Variants in EPHA6 observed in about 807,000 individuals in gnomAD.
EPHA6 encodes the protein ephrin type-A receptor 6.
In EPHA6, 50 loss-of-function variants were observed where a neutral mutation model predicts 112.0. The ratio of observed to expected loss-of-function variants is 0.45; its 90% CI spans 0.36 to 0.56. EPHA6 has a LOEUF of 0.56. EPHA6 is among the 20% of genes least tolerant of loss of function. EPHA6 has a pLI of 0.00. For missense variants in EPHA6, 1,280 were observed against 1,417.4 expected (o/e 0.90, Z 1.56); for synonymous variants, 529 against 490.7 (o/e 1.08, Z -1.03).
rs745525248 is a variant in EPHA6 at position 97,592,632 on chromosome 3, G to A, written c.2407G>A (p.Val803Met). The A allele has an allele frequency of 4.3e-6, 7 of 1,613,320 alleles. No homozygotes were observed. The South Asian group carries it at 6.6e-5, about 15-fold the overall frequency. ...AAAAGGATCCTTCCCGGCCATTGGG[G>A]TGGAGGCGTTTTGCCCCAGCTTCCT... ...VTKRSFPAIG[V>M]EAFCPSFLRA... is the part of the protein sequence containing the mutation. The change falls in exon 12 of 18, where the codon GTG becomes ATG. Residue 803 changes from valine (V) to methionine (M), a missense_variant. Coordinates refer to ENST00000389672, the MANE Select transcript of EPHA6 (RefSeq NM_001080448.3).
intron 3 of EPHA6, among the ~76,000 whole-genome samples, chr3:97,192,197 C>T (rs2077325063): frequency 6.6e-6 from 1 of 151,956 alleles, no homozygotes; most frequent in Non-Finnish European, 1.5e-5. Context: ...AGTGCAGTGG[C>T]ATGATCTCAG....
chr3:97,581,522 C>G (rs1448574476), intron 11 of EPHA6, among the ~76,000 whole-genome samples: 1 of 152,114 alleles, frequency 6.6e-6, no homozygotes, highest in Admixed American at 6.6e-5. Context: ...ACCTATACTG[C>G]AAGTTAAAAA....
In EPHA6 at chr3:96,987,539, T is replaced by C. The variant is rs769098974; in HGVS notation, c.660T>C (p.Asn220=). 1.9e-6 allele frequency: 3 copies of C among 1,613,920 alleles called. No individual in the cohort carries two copies. Among genetic ancestry groups the C allele is most frequent in the Non-Finnish European group, 2.5e-6 (3 of 1,179,846 alleles). ...TGGGGACTTGCAAAGAAACATTTAATCTGTTTTATATGGAATCAGATGAGT... is the reference window on the plus strand; with the variant it reads ...TGGGGACTTGCAAAGAAACATTTAACCTGTTTTATATGGAATCAGATGAGT... ...WVLGTCKETF[N]LFYMESDESH... is the part of the protein sequence containing the mutation. The change falls in exon 3 of 18, where the codon AAT becomes AAC. Residue 220 remains asparagine (N), a synonymous_variant. Coordinates refer to ENST00000389672, the MANE Select transcript of EPHA6 (RefSeq NM_001080448.3).
chr3:97,136,592 G>T (rs1380934007), intron 3 of EPHA6, among the ~76,000 whole-genome samples: 1 of 152,030 alleles, frequency 6.6e-6, no homozygotes, highest in Non-Finnish European at 1.5e-5. Context: ...ACTCAAGTAT[G>T]GTGGCATGTA....
At chr3:97,594,300 A>C (rs2093569090) in intron 12 of EPHA6, among the ~76,000 whole-genome samples, 1 of 152,248 alleles carries the variant, frequency 6.6e-6, no homozygotes, top group African/African-American at 2.4e-5. Context: ...TCTATAACAC[A>C]TACAGAAACA....
At chr3:96,863,639 C>G (rs1200549845) in intron 1 of EPHA6, among the ~76,000 whole-genome samples, 3 of 151,900 alleles carry the variant, frequency 2.0e-5, no homozygotes, top group African/African-American at 7.2e-5. Flanking sequence ...ATAATAGGTA[C>G]ATACATATTT....
intron 9 of EPHA6, among the ~76,000 whole-genome samples, chr3:97,483,228 C>T (rs1007229457): frequency 6.6e-6 from 1 of 152,198 alleles, no homozygotes; most frequent in Non-Finnish European, 1.5e-5. Context: ...TCTCATCATC[C>T]TAACTGCCTG....
intron 14 of EPHA6, among the ~76,000 whole-genome samples, chr3:97,667,812 G>A (rs1440186448): frequency 6.6e-6 from 1 of 152,082 alleles, no homozygotes; most frequent in Non-Finnish European, 1.5e-5. Flanking sequence ...GAGCAAATTA[G>A]ACTAGTGAGT....
intron 14 of EPHA6, among the ~76,000 whole-genome samples, chr3:97,695,189 C>CA (rs1289946922): frequency 1.3e-5 from 2 of 152,114 alleles, no homozygotes; most frequent in African/African-American, 2.4e-5. Context: ...TTGTATTACT[C>CA]AAAAAATGAC....
rs1314328178 is a variant in EPHA6, at chr3:97,752,376, G to A, written c.*3675G>A. 4.5e-6 allele frequency: 1 copy of A among 224,458 alleles called. No homozygotes were observed. Among genetic ancestry groups the A allele is most frequent in the Non-Finnish European group, 8.9e-6 (1 of 112,622 alleles). 13.9% of individuals were successfully genotyped at this position (224,458 alleles called of 1,614,324 possible). ...TTCCTACCAAATTTCTGCTCTACAA[G>A]GCAGTCAGTTAAATCTCTCATTTCA... On this transcript the variant is annotated 3_prime_UTR_variant, in exon 18 of 18. Coordinates refer to ENST00000389672, the MANE Select transcript of EPHA6 (RefSeq NM_001080448.3).
intron 3 of EPHA6, chr3:97,009,959 G>A (rs957753549): frequency 1.0e-5 from 6 of 599,932 alleles, no homozygotes; most frequent in African/African-American, 5.7e-5. Context: ...CTTGGTTGCC[G>A]TTGAAGGATT....
intron 5 of EPHA6, among the ~76,000 whole-genome samples, chr3:97,346,070 C>A (rs1169470575): frequency 6.6e-6 from 1 of 152,042 alleles, no homozygotes; most frequent in East Asian, 1.9e-4. Context: ...GGATAACCAG[C>A]AAGGTTTCTG....
chr3:96,850,446 T>G (rs889512427), intron 1 of EPHA6, among the ~76,000 whole-genome samples: 1 of 152,114 alleles, frequency 6.6e-6, no homozygotes, highest in Admixed American at 6.6e-5. Flanking sequence ...CTCAGATGGC[T>G]TCCTGGTGGC....
intron 5 of EPHA6, among the ~76,000 whole-genome samples, chr3:97,272,665 C>T (rs1287447592): frequency 6.6e-6 from 1 of 151,184 alleles, no homozygotes; most frequent in Non-Finnish European, 1.5e-5. Context: ...GGGTGGGGGT[C>T]ACAGGGTGCT....
At chr3:96,948,451 T>C (rs1576139848) in intron 2 of EPHA6, among the ~76,000 whole-genome samples, 1 of 152,194 alleles carries the variant, frequency 6.6e-6, no homozygotes, top group African/African-American at 2.4e-5. Flanking sequence ...GTAATTCTTA[T>C]TGATGTTACT....
intron 14 of EPHA6, among the ~76,000 whole-genome samples, chr3:97,711,705 G>A (rs2033977461): frequency 1.3e-5 from 2 of 152,088 alleles, no homozygotes. Flanking sequence ...TGGGCCCTCA[G>A]TAGATTGGAT....
chr3:97,324,471 TTTTCTTTCGTC>T (rs2082311907), intron 5 of EPHA6, among the ~76,000 whole-genome samples: 2 of 127,116 alleles, frequency 1.6e-5, no homozygotes, highest in Admixed American at 1.6e-4. Context: ...CTTTCTTTCT[TTTTCTTTCGTC>T]TCTTTCTCTT....
At chr3:97,711,238 T>G (rs2033952478) in intron 14 of EPHA6, among the ~76,000 whole-genome samples, 1 of 152,150 alleles carries the variant, frequency 6.6e-6, no homozygotes, top group Non-Finnish European at 1.5e-5. Context: ...AAGACGTAAC[T>G]TGCTCCTCCT....
chr3:97,414,190 A>G (rs1334613685), intron 6 of EPHA6, among the ~76,000 whole-genome samples: 1 of 152,076 alleles, frequency 6.6e-6, no homozygotes, highest in African/African-American at 2.4e-5. Context: ...GGAAAATTAA[A>G]TTGAGAAAGG....
Sources: gnomAD v4.1 joint callset for allele counts (sites outside exome capture counted in the v4.1 genomes callset) on GRCh38, gnomAD v4.1.1 for gene constraint, MANE v1.5 for transcripts, NCBI Gene and HGNC (gene_info 2026-07-23, HGNC 2026-07-21) for gene names.